The following GALNT13 variants were observed in gnomAD, a reference collection of about 807,000 sequenced individuals.
GALNT13 encodes the protein polypeptide N-acetylgalactosaminyltransferase 13, also known as UDP-GalNAc:polypeptide N-acetylgalactosaminyltransferase 13.
A neutral mutation model predicts 64.2 loss-of-function variants in GALNT13; 28 were observed. The ratio of observed to expected loss-of-function variants is 0.44; its 90% CI spans 0.32 to 0.60. GALNT13 has a LOEUF of 0.60. GALNT13 is among the 20% of genes least tolerant of loss of function. The pLI, the probability that GALNT13 is intolerant of heterozygous loss-of-function variation, is 0.05. For synonymous variants in GALNT13, 214 were observed against 224.6 expected (o/e 0.95, Z 0.42); for missense variants, 577 against 669.8 (o/e 0.86, Z 1.53).
chr2:153,796,902 A>C, the GALNT13 span, among the ~76,000 whole-genome samples: 1 of 152,224 alleles, frequency 6.6e-6, no homozygotes, highest in Non-Finnish European at 1.5e-5. Flanking sequence ...ATAAATGTAA[A>C]TCATTAATGG....
the GALNT13 span, among the ~76,000 whole-genome samples, chr2:153,200,247 G>A: frequency 2.0e-5 from 3 of 152,336 alleles, no homozygotes; most frequent in South Asian, 6.2e-4. Flanking sequence ...CAGGTGAAGA[G>A]CAAGAATTGT....
chr2:153,856,049 G>A, the GALNT13 span, among the ~76,000 whole-genome samples: 1 of 152,154 alleles, frequency 6.6e-6, no homozygotes, highest in Admixed American at 6.5e-5. Context: ...AATATTTGTG[G>A]TTGTCTAAGC....
intron 1 of GALNT13, among the ~76,000 whole-genome samples, chr2:153,876,163 A>G (rs938893665): frequency 6.6e-6 from 1 of 151,632 alleles, no homozygotes; most frequent in Admixed American, 6.6e-5. Flanking sequence ...TATTCTGACA[A>G]CCTATTTAAT....
intron 3 of GALNT13, among the ~76,000 whole-genome samples, chr2:153,952,749 A>G (rs1180735716): frequency 6.9e-6 from 1 of 144,868 alleles, no homozygotes; most frequent in Non-Finnish European, 1.6e-5. Flanking sequence ...GCTGAGGAGC[A>G]AGAAAGCCAG....
intron 3 of GALNT13, among the ~76,000 whole-genome samples, chr2:153,958,573 TG>T (rs751974062): frequency 4.4e-4 from 67 of 152,168 alleles, no homozygotes; most frequent in Non-Finnish European, 6.9e-4. Context: ...CATACCCCAG[TG>T]GTGGGTCCTC....
chr2:154,363,920 T>A (rs1315211445), intron 9 of GALNT13, among the ~76,000 whole-genome samples: 2 of 152,190 alleles, frequency 1.3e-5, no homozygotes, highest in Admixed American at 6.5e-5. Flanking sequence ...TGAAACTATC[T>A]AGGGGGTCTA....
At chr2:153,402,503 G>C in the GALNT13 span, among the ~76,000 whole-genome samples, 1 of 151,934 alleles carries the variant, frequency 6.6e-6, no homozygotes, top group Non-Finnish European at 1.5e-5. Flanking sequence ...AGTTCTCCTG[G>C]ATAATATCCT....
the GALNT13 span, among the ~76,000 whole-genome samples, chr2:153,507,531 G>T: frequency 6.6e-6 from 1 of 151,966 alleles, no homozygotes; most frequent in African/African-American, 2.4e-5. Context: ...CACTAGCCTC[G>T]GCCTCCCAAA....
chr2:153,986,734 C>T (rs570182449), intron 3 of GALNT13, among the ~76,000 whole-genome samples: 3 of 151,786 alleles, frequency 2.0e-5, no homozygotes, highest in Admixed American at 1.3e-4. Context: ...AGAATGCCTA[C>T]GGAAATGAGT....
chr2:154,144,080 AAT>A (rs1246699245), intron 4 of GALNT13, among the ~76,000 whole-genome samples: 2 of 152,070 alleles, frequency 1.3e-5, no homozygotes, highest in African/African-American at 2.4e-5. Flanking sequence ...ATGTTTTACA[AAT>A]AGTCTCTGAA....
chr2:154,041,667 G>T lies in GALNT13; in HGVS notation c.142+97028G>T, dbSNP rs948992278. ...AATATACATGTTTAAACAGACAAAAGAATTTATATAGATACCATAGACATT... is the reference window on the plus strand; with the variant it reads ...AATATACATGTTTAAACAGACAAAATAATTTATATAGATACCATAGACATT... On this transcript the variant is annotated intron_variant, in intron 3 of 12. Transcript: ENST00000392825. Among the ~76,000 whole-genome samples the T allele has an allele frequency of 2.1e-4, 30 of 140,582 alleles. 8 individuals are homozygous for T. The highest frequency in any genetic ancestry group is 4.2e-4 in the Non-Finnish European group (26 of 61,216). The allele number at this position is 140,582 out of a possible 152,430, so 92.2% of individuals were successfully genotyped here.
intron 3 of GALNT13, among the ~76,000 whole-genome samples, chr2:154,009,929 T>G (rs973301786): frequency 7.3e-6 from 1 of 136,912 alleles, no homozygotes; most frequent in African/African-American, 3.0e-5. Context: ...TTATTGTGAA[T>G]GGGATTATGT....
At chr2:153,711,702 A>G in the GALNT13 span, among the ~76,000 whole-genome samples, 1 of 152,210 alleles carries the variant, frequency 6.6e-6, no homozygotes, top group Non-Finnish European at 1.5e-5. Flanking sequence ...CACTTGTGCT[A>G]CATGTCCATC....
At chr2:153,758,997 G>C in the GALNT13 span, among the ~76,000 whole-genome samples, 1 of 152,104 alleles carries the variant, frequency 6.6e-6, no homozygotes, top group African/African-American at 2.4e-5. Context: ...GAAATTTTTA[G>C]TGTGCAAATC....
chr2:154,254,909 C>T (rs978914072), intron 7 of GALNT13, among the ~76,000 whole-genome samples: 1 of 152,020 alleles, frequency 6.6e-6, no homozygotes, highest in Non-Finnish European at 1.5e-5. Context: ...GAGAAAAGTG[C>T]CCCTGAGAGA....
intron 9 of GALNT13, among the ~76,000 whole-genome samples, chr2:154,311,256 G>A (rs1212609617): frequency 6.6e-6 from 1 of 151,980 alleles, no homozygotes; most frequent in Non-Finnish European, 1.5e-5. Flanking sequence ...TATATCGGGG[G>A]TCCTGCCCCG....
intron 3 of GALNT13, among the ~76,000 whole-genome samples, chr2:154,133,235 C>T (rs1371664975): frequency 1.3e-5 from 2 of 151,994 alleles, no homozygotes; most frequent in East Asian, 3.9e-4. Flanking sequence ...GTTGAGACTC[C>T]TTTGTAGTAG....
the GALNT13 span, among the ~76,000 whole-genome samples, chr2:153,169,434 T>C: frequency 6.6e-6 from 1 of 152,132 alleles, no homozygotes; most frequent in Non-Finnish European, 1.5e-5. Flanking sequence ...TGAAATAAGA[T>C]GAAGAATCTG....
intron 4 of GALNT13, among the ~76,000 whole-genome samples, chr2:154,224,454 GA>G (rs904594508): frequency 1.3e-5 from 2 of 151,536 alleles, no homozygotes; most frequent in Non-Finnish European, 1.5e-5. Flanking sequence ...GGGCTCACAA[GA>G]AAAAAACATG....
Sources: allele counts gnomAD v4.1 joint callset (sites outside exome capture counted in the v4.1 genomes callset), GRCh38; gene constraint gnomAD v4.1.1; transcripts MANE v1.5; gene names NCBI Gene and HGNC (gene_info 2026-07-23, HGNC 2026-07-21).